Variants in COPG2 observed in about 807,000 individuals in gnomAD.
COPG2 encodes the protein coat protein complex I subunit gamma 2, also known as coatomer subunit gamma-2.
In COPG2, 37 loss-of-function variants were observed where a neutral mutation model predicts 46.3. The observed-to-expected ratio is 0.80, with a 90% CI of 0.61 to 1.05. The LOEUF (loss-of-function observed/expected upper bound fraction) is 1.05, where lower values mean the gene tolerates loss of function less well. Among genes scored for constraint, COPG2 ranks in the 50% least tolerant of loss-of-function variants. COPG2 has a pLI of 0.00. For missense variants in COPG2, 427 were observed against 387.8 expected (o/e 1.10, Z -0.85); for synonymous variants, 159 against 129.7 (o/e 1.23, Z -1.53).
intron 12 of COPG2, among the ~76,000 whole-genome samples, chr7:130,558,095 ATT>A (rs1793661052): frequency 6.6e-6 from 1 of 151,918 alleles, no homozygotes; most frequent in African/African-American, 2.4e-5. Flanking sequence ...GGTCTTAAAA[ATT>A]TTCTTTCAGC....
In COPG2 at chr7:130,657,519, G is replaced by GA. The variant is rs200820959; in HGVS notation, c.244-4572dup. ...GACATAAAAAGCATCACCTGTAACA[G>GA]AAAAAAATTTGATAAACTGGACTTC... On this transcript the variant is annotated intron_variant, in intron 4 of 23. Transcript: ENST00000425248. Among the ~76,000 whole-genome samples the GA allele has an allele frequency of 4.5e-3, 689 of 152,134 alleles. 22 individuals are homozygous for GA. The highest frequency in any genetic ancestry group is 0.042 in the Admixed American group (640 of 15,278).
At chr7:130,568,333 AG>A (rs1162953981) in intron 9 of COPG2, among the ~76,000 whole-genome samples, 1 of 152,190 alleles carries the variant, frequency 6.6e-6, no homozygotes. Flanking sequence ...CTAACACATA[AG>A]GACTCACATA....
intron 20 of COPG2, among the ~76,000 whole-genome samples, chr7:130,534,469 G>A (rs1173275502): frequency 6.6e-6 from 1 of 152,014 alleles, no homozygotes; most frequent in Non-Finnish European, 1.5e-5. Flanking sequence ...AGCTTTCGAA[G>A]CAAAATATCC....
chr7:130,513,594 G>A (rs1290807969), intron 20 of COPG2, among the ~76,000 whole-genome samples: 3 of 151,688 alleles, frequency 2.0e-5, no homozygotes, highest in Admixed American at 6.6e-5. Context: ...GTGCCATCTG[G>A]GAATCTTTGC....
At chr7:130,647,072 G>A (rs971835294) in intron 5 of COPG2, among the ~76,000 whole-genome samples, 2 of 149,094 alleles carry the variant, frequency 1.3e-5, no homozygotes, top group African/African-American at 2.5e-5. Flanking sequence ...ATGGAATCTC[G>A]CTCTGTCACC....
chr7:130,535,579 T>G (rs1353753924), intron 20 of COPG2, among the ~76,000 whole-genome samples: 1 of 144,306 alleles, frequency 6.9e-6, no homozygotes, highest in Non-Finnish European at 1.5e-5. Context: ...TGAACTTTGT[T>G]GCACAGGTGT....
intron 20 of COPG2, among the ~76,000 whole-genome samples, chr7:130,529,421 T>C (rs1346110075): frequency 6.6e-6 from 1 of 151,978 alleles, no homozygotes; most frequent in Non-Finnish European, 1.5e-5. Context: ...GTCCAGGAAG[T>C]TGATGGACAT....
At chr7:130,628,416 C>T (rs1247986927) in intron 5 of COPG2, among the ~76,000 whole-genome samples, 8 of 151,970 alleles carry the variant, frequency 5.3e-5, no homozygotes, top group Admixed American at 4.6e-4. Flanking sequence ...TACTTAATAA[C>T]TAAGAGTATC....
chr7:130,507,886 A>G, intron 21 of COPG2, 63 bp from the exon 22 acceptor site: 1 of 758,934 alleles, frequency 1.3e-6, no homozygotes, highest in South Asian at 1.4e-5. Context: ...AGATAAAGGA[A>G]CTAGTCAATA....
At position 130,611,002 on chromosome 7, in the gene COPG2, A is replaced by G. The variant is rs1344768544; in HGVS notation, c.688T>C (p.Cys230Arg). ...KSGLKSQFAY[C>R]MLIRIASRLL... ...CGACTGGCAATTCGGATCAGCATGC[A>G]GTAAGCAAACTGTGACTTGAGACCA... Residue 230 changes from cysteine to arginine, a missense_variant, in exon 9 of 24, where the codon TGC becomes CGC. Cys to Arg is a radical substitution (Grantham distance 180). Coordinates refer to ENST00000425248, the MANE Select transcript of COPG2 (RefSeq NM_012133.6). 6.2e-7 allele frequency: 1 copy of G among 1,613,962 alleles called. No homozygotes were observed. The highest frequency in any genetic ancestry group is 2.2e-5 in the East Asian group (1 of 44,870).
chr7:130,642,464 G>A (rs1008423225), intron 5 of COPG2, among the ~76,000 whole-genome samples: 3 of 152,066 alleles, frequency 2.0e-5, no homozygotes, highest in Admixed American at 2.0e-4. Context: ...GAGTTTGGGG[G>A]CTGTTCTTGG....
At chr7:130,557,723 G>A (rs925537386) in intron 12 of COPG2, among the ~76,000 whole-genome samples, 63,709 of 149,154 alleles carry the variant, frequency 0.43, 16,368 homozygotes, top group East Asian at 0.6. Flanking sequence ...GCTGAGGCAG[G>A]AGAATCGCTT....
chr7:130,596,630 C>T (rs527968193), intron 9 of COPG2, among the ~76,000 whole-genome samples: 13 of 152,266 alleles, frequency 8.5e-5, no homozygotes, highest in Non-Finnish European at 8.8e-5. Flanking sequence ...ACTGTCTCCC[C>T]GGCCTGACCA....
chr7:130,633,314 C>T lies in COPG2; in HGVS notation c.324-16249G>A, dbSNP rs142934867. Among the ~76,000 whole-genome samples, 1,352 of 152,246 alleles carry T rather than the reference C, an allele frequency of 8.9e-3. 7 individuals are homozygous for T. The highest frequency in any genetic ancestry group is 0.013 in the Non-Finnish European group (866 of 68,016). ...TTCTGGTTCTAGATCCTTGAGGAATCGCCACACTGTCTTCCACAATGGTTG... is the reference window on the plus strand; with the variant it reads ...TTCTGGTTCTAGATCCTTGAGGAATTGCCACACTGTCTTCCACAATGGTTG... On this transcript the variant is annotated intron_variant, in intron 5 of 23. Transcript: ENST00000425248.
chr7:130,662,017 G>C (rs1001375261), intron 4 of COPG2, among the ~76,000 whole-genome samples: 6 of 152,140 alleles, frequency 3.9e-5, no homozygotes, highest in Non-Finnish European at 7.4e-5. Context: ...GACTGGCAAG[G>C]AATGGGGCCC....
At chr7:130,638,882 G>A (rs1174482114) in intron 5 of COPG2, among the ~76,000 whole-genome samples, 1 of 152,206 alleles carries the variant, frequency 6.6e-6, no homozygotes, top group Non-Finnish European at 1.5e-5. Context: ...GGAATCTCCT[G>A]GTCTGCAGGT....
chr7:130,572,317 GA>G (rs1211235286), intron 9 of COPG2, among the ~76,000 whole-genome samples: 4 of 152,096 alleles, frequency 2.6e-5, no homozygotes, highest in Non-Finnish European at 4.4e-5. Context: ...CAACTAAGCA[GA>G]AAATCATCAA....
intron 9 of COPG2, among the ~76,000 whole-genome samples, chr7:130,567,136 C>A (rs1793817191): frequency 6.6e-6 from 1 of 152,136 alleles, no homozygotes. Context: ...AGCAAATTAA[C>A]ACAGGGACAG....
intron 20 of COPG2, among the ~76,000 whole-genome samples, chr7:130,527,923 G>A (rs1799789310): frequency 6.6e-6 from 1 of 152,128 alleles, no homozygotes; most frequent in African/African-American, 2.4e-5. Context: ...GGAGGAGTGA[G>A]GCCCAGAGAA....
Sources: allele counts gnomAD v4.1 joint callset (sites outside exome capture counted in the v4.1 genomes callset), GRCh38; gene constraint gnomAD v4.1.1; transcripts MANE v1.5; gene names NCBI Gene and HGNC (gene_info 2026-07-23, HGNC 2026-07-21).